The following DIAPH2 variants were observed in gnomAD, a reference collection of about 807,000 sequenced individuals.
DIAPH2 encodes protein diaphanous homolog 2.
DIAPH2 carries 35 observed loss-of-function variants against 92.7 expected under a neutral mutation model. The ratio of observed to expected loss-of-function variants is 0.38; its 90% confidence interval spans 0.29 to 0.50. The LOEUF (loss-of-function observed/expected upper bound fraction) is 0.50, where lower values mean the gene tolerates loss of function less well. Ranked by LOEUF, DIAPH2 falls within the 20% of genes least tolerant of loss-of-function variation. DIAPH2 has a pLI of 0.94. For missense variants in DIAPH2, 701 were observed against 819.5 expected (o/e 0.86, Z 1.77); for synonymous variants, 301 against 280.4 (o/e 1.07, Z -0.73).
intron 4 of DIAPH2, among the ~76,000 whole-genome samples, chrX:96,812,694 G>A (rs756714803): frequency 1.8e-5 from 2 of 111,990 alleles, no homozygotes; most frequent in East Asian, 5.6e-4. Context: ...TGCATTAAAT[G>A]TGTCATAGAG....
At chrX:96,989,321 C>T (rs916987224) in intron 17 of DIAPH2, among the ~76,000 whole-genome samples, 1 of 110,150 alleles carries the variant, frequency 9.1e-6, no homozygotes, top group Non-Finnish European at 1.9e-5. Context: ...TTTCTTCGTG[C>T]TCCATTCTTA....
intron 4 of DIAPH2, among the ~76,000 whole-genome samples, chrX:96,773,679 A>T (rs1324289005): frequency 9.0e-6 from 1 of 110,842 alleles, no homozygotes; most frequent in Non-Finnish European, 1.9e-5. Flanking sequence ...GCAAAACCCC[A>T]TCTCTACTAA....
chrX:97,177,161 T>G (rs1271346183), intron 22 of DIAPH2, among the ~76,000 whole-genome samples: 1 of 111,145 alleles, frequency 9.0e-6, no homozygotes, highest in African/African-American at 3.3e-5. Context: ...TACTGTATAG[T>G]TATCTCTATA....
intron 5 of DIAPH2, among the ~76,000 whole-genome samples, chrX:96,893,614 A>G (rs1245821042): frequency 1.4e-4 from 16 of 112,146 alleles, no homozygotes; most frequent in Admixed American, 1.4e-3. Flanking sequence ...AAGTAAAAAA[A>G]TCAAGGTTAT....
intron 26 of DIAPH2, among the ~76,000 whole-genome samples, chrX:97,515,642 G>A (rs957065594): frequency 9.2e-6 from 1 of 109,161 alleles, no homozygotes; most frequent in Non-Finnish European, 1.9e-5. Context: ...AAGTGTGGGG[G>A]ACTTAACAAG....
At chrX:97,151,811 C>T (rs1209195737) in intron 22 of DIAPH2, among the ~76,000 whole-genome samples, 3 of 111,328 alleles carry the variant, frequency 2.7e-5, no homozygotes, top group African/African-American at 3.3e-5. Flanking sequence ...AGTGAATATT[C>T]GTATATCAAA....
chrX:97,193,017 T>C (rs866691350), intron 22 of DIAPH2, among the ~76,000 whole-genome samples: 13 of 93,491 alleles, frequency 1.4e-4, no homozygotes, highest in Non-Finnish European at 1.8e-4. Context: ...CTTTTCTTTT[T>C]TTTTTTTTTT....
chrX:96,771,233 G>A (rs942278733), intron 4 of DIAPH2, among the ~76,000 whole-genome samples: 4 of 111,705 alleles, frequency 3.6e-5, no homozygotes, highest in Non-Finnish European at 7.5e-5. Context: ...TAATATTTAT[G>A]AATAGGGGTC....
intron 22 of DIAPH2, among the ~76,000 whole-genome samples, chrX:97,181,225 C>T (rs1189713354): frequency 9.1e-6 from 1 of 109,500 alleles, no homozygotes; most frequent in Non-Finnish European, 1.9e-5. Context: ...TGCCACCATG[C>T]CTGGGTAATT....
intron 17 of DIAPH2, among the ~76,000 whole-genome samples, chrX:97,048,893 T>A (rs2066501764): frequency 9.2e-6 from 1 of 109,251 alleles, no homozygotes; most frequent in African/African-American, 3.3e-5. Flanking sequence ...TCCTGTGAAA[T>A]GCCTACATTT....
intron 4 of DIAPH2, among the ~76,000 whole-genome samples, chrX:96,880,318 C>T (rs200607363): frequency 2.7e-5 from 3 of 111,369 alleles, no homozygotes; most frequent in African/African-American, 6.5e-5. Context: ...ATTGCCACAG[C>T]GCTAAGGGAA....
Position 96,901,532 on chromosome X carries a change from G to GTTTTTTTTTTTTTTTTTTTT in DIAPH2, c.588-10788_588-10769dup. Among the ~76,000 whole-genome samples the GTTTTTTTTTTTTTTTTTTTT allele has an allele frequency of 6.0e-5, 2 of 33,083 alleles. 1 individual carries two copies. Among genetic ancestry groups the GTTTTTTTTTTTTTTTTTTTT allele is most frequent in the Non-Finnish European group, 1.2e-4 (2 of 16,312 alleles). 28.7% of individuals were successfully genotyped at this position (33,083 alleles called of 115,157 possible). A position where few individuals can be genotyped will look rare whatever the true frequency, so the allele number is the denominator to read the frequency against. On this transcript the variant is annotated intron_variant, in intron 5 of 26. Coordinates refer to ENST00000324765, the MANE Select transcript of DIAPH2 (RefSeq NM_006729.5). ...GGATTTTGTTTGTTCTTTTCTTTCT[G>GTTTTTTTTTTTTTTTTTTTT]TTTTTTTTTTTTTTTTTTTTTTTTT... is the stretch of plus-strand genomic sequence containing the variant.
intron 23 of DIAPH2, among the ~76,000 whole-genome samples, chrX:97,313,323 C>A (rs183115877): frequency 8.9e-6 from 1 of 111,940 alleles, no homozygotes; most frequent in East Asian, 2.8e-4. Flanking sequence ...TTTCCTGTTA[C>A]ACTGATTGAT....
chrX:97,557,714 T>C (rs756149173), intron 26 of DIAPH2, among the ~76,000 whole-genome samples: 5 of 112,346 alleles, frequency 4.5e-5, no homozygotes, highest in Admixed American at 1.9e-4. Context: ...AATTATAGAA[T>C]AATTTTAAGG....
chrX:97,022,955 G>A (rs992143414), intron 17 of DIAPH2, among the ~76,000 whole-genome samples: 42 of 111,201 alleles, frequency 3.8e-4, no homozygotes, highest in African/African-American at 1.3e-3. Context: ...AGGCTGTGGC[G>A]GGAGGATTGC....
At chrX:97,178,428 C>G (rs761298531) in intron 22 of DIAPH2, among the ~76,000 whole-genome samples, 1 of 104,068 alleles carries the variant, frequency 9.6e-6, no homozygotes, top group Admixed American at 1.1e-4. Flanking sequence ...GTACCTGTGA[C>G]AGGCCTATAT....
At chrX:97,584,921 G>T (rs775523260) in intron 26 of DIAPH2, among the ~76,000 whole-genome samples, 1 of 112,550 alleles carries the variant, frequency 8.9e-6, no homozygotes, top group East Asian at 2.8e-4. Context: ...TGACTGTTAT[G>T]TCACAGTTCT....
chrX:96,736,168 G>C (rs1423546137), intron 2 of DIAPH2, among the ~76,000 whole-genome samples: 2 of 111,438 alleles, frequency 1.8e-5, no homozygotes, highest in Non-Finnish European at 3.8e-5. Context: ...CTGTTAGTCA[G>C]ATGTGTGCTA....
chrX:96,806,882 A>G (rs2064631802), intron 4 of DIAPH2, among the ~76,000 whole-genome samples: 1 of 107,633 alleles, frequency 9.3e-6, no homozygotes, highest in African/African-American at 3.4e-5. Context: ...CTGGGACTAC[A>G]GGCGCCCGAC....
Sources: allele counts gnomAD v4.1 joint callset (sites outside exome capture counted in the v4.1 genomes callset), GRCh38; gene constraint gnomAD v4.1.1; transcripts MANE v1.5; gene names NCBI Gene and HGNC (gene_info 2026-07-23, HGNC 2026-07-21).